Variants in TCP11L2 observed in about 807,000 individuals in gnomAD.
TCP11L2 encodes the protein t-complex 11 like 2, also known as T-complex protein 11-like protein 2.
In TCP11L2, 39 loss-of-function variants were observed where a neutral mutation model predicts 50.7. That is an observed-to-expected ratio of 0.77 (90% CI 0.60 to 1.01). The LOEUF (loss-of-function observed/expected upper bound fraction) is 1.01, where lower values mean the gene tolerates loss of function less well. Among genes scored for constraint, TCP11L2 ranks in the 50% least tolerant of loss-of-function variants. The pLI, the probability that TCP11L2 is intolerant of heterozygous loss-of-function variation, is 0.00. For synonymous variants in TCP11L2, 192 were observed against 219.3 expected (o/e 0.88, Z 1.10); for missense variants, 612 against 614.7 (o/e 1.00, Z 0.05).
At chr12:106,329,733 G>A (rs2035681702) in intron 6 of TCP11L2, 4 of 1,047,168 alleles carry the variant, frequency 3.8e-6, no homozygotes, top group Non-Finnish European at 4.6e-6. Context: ...GATTAAACTT[G>A]CAGTATAAAT....
At chr12:106,323,488 A>G in intron 5 of TCP11L2, 22 bp from the exon 6 acceptor site, 1 of 1,534,042 alleles carries the variant, frequency 6.5e-7, no homozygotes, top group Non-Finnish European at 8.8e-7. Context: ...TCATCTCTCT[A>G]TTTTAATTCT....
At chr12:106,307,603 T>C (rs192377042) in intron 1 of TCP11L2, among the ~76,000 whole-genome samples, 1 of 152,320 alleles carries the variant, frequency 6.6e-6, no homozygotes, top group Non-Finnish European at 1.5e-5. Context: ...ACTTGGAAAC[T>C]CAAGACCGAG....
intron 2 of TCP11L2, among the ~76,000 whole-genome samples, chr12:106,312,883 G>A (rs1226101970): frequency 1.3e-5 from 2 of 151,346 alleles, no homozygotes; most frequent in African/African-American, 4.9e-5. Context: ...CTCTGTCTTG[G>A]GAAAAAAAAA....
chr12:106,332,945 T>A (rs117028510), intron 6 of TCP11L2, among the ~76,000 whole-genome samples: 1 of 152,132 alleles, frequency 6.6e-6, no homozygotes, highest in Non-Finnish European at 1.5e-5. Flanking sequence ...TGAAGTGACA[T>A]AGTTTTGGTG....
chr12:106,301,959 GGGTGTGACTCCAA>G (rs1476344711), upstream of TCP11L2: 36 of 152,398 alleles, frequency 2.4e-4, no homozygotes, highest in African/African-American at 7.9e-4. Flanking sequence ...GGGCCTGGAT[GGGTGTGACTCCAA>G]GGAGCTAATC....
chr12:106,339,836 A>G (rs1389747896), intron 8 of TCP11L2, among the ~76,000 whole-genome samples: 2 of 152,270 alleles, frequency 1.3e-5, no homozygotes, highest in Non-Finnish European at 2.9e-5. Flanking sequence ...CGTCAGGTCC[A>G]GTGTGGGCTT....
In TCP11L2 at chr12:106,346,593, T is replaced by TTG. The variant is rs1243363148; in HGVS notation, c.*64_*65dup. The TTG allele has an allele frequency of 7.1e-6, 11 of 1,551,096 alleles. No individual in the cohort carries two copies. In the African/African-American group the frequency reaches 1.4e-4, roughly 19 times the overall value. On this transcript the variant is annotated 3_prime_UTR_variant, in exon 10 of 10. Coordinates refer to ENST00000299045, the MANE Select transcript of TCP11L2 (RefSeq NM_152772.3). ...TACTTTGGTATCCAGTCCACTTCCA[T>TTG]TGATGGCATTAGAGATCCAGCACAT... is the stretch of plus-strand genomic sequence containing the variant.
chr12:106,323,540 A>G lies in TCP11L2; in HGVS notation c.666A>G (p.Gln222=), dbSNP rs2035419706. 2 of 1,607,978 alleles carry G rather than the reference A, an allele frequency of 1.2e-6. No homozygotes were observed. Among genetic ancestry groups the G allele is most frequent in the Admixed American group, 1.7e-5 (1 of 59,090 alleles). ...TATTCCATGTCCTGGACCTCATGCA[A>G]ATGGACATGGCCAATTTTACAATTA... ...RQIFHVLDLM[Q]MDMANFTIMS... The change falls in exon 6 of 10, where the codon CAA becomes CAG. Residue 222 remains glutamine, a synonymous_variant. Transcript: ENST00000299045.
chr12:106,327,806 C>G (rs1259101592), intron 6 of TCP11L2, among the ~76,000 whole-genome samples: 1 of 152,052 alleles, frequency 6.6e-6, no homozygotes, highest in Non-Finnish European at 1.5e-5. Context: ...TGAATTGGCT[C>G]CAGGAAAATA....
chr12:106,299,318 T>C (rs1464417970), upstream of TCP11L2, among the ~76,000 whole-genome samples: 3 of 152,194 alleles, frequency 2.0e-5, no homozygotes, highest in Non-Finnish European at 4.4e-5. Flanking sequence ...TCTTCCAGCA[T>C]TGAAACAGAC....
At chr12:106,309,379 C>T (rs368182292) in intron 1 of TCP11L2, among the ~76,000 whole-genome samples, 5 of 152,014 alleles carry the variant, frequency 3.3e-5, no homozygotes, top group African/African-American at 1.2e-4. Flanking sequence ...TGAGTGTCTC[C>T]ACTCCACTCC....
chr12:106,320,396 CA>C (rs56997964), intron 4 of TCP11L2, among the ~76,000 whole-genome samples: 10 of 144,884 alleles, frequency 6.9e-5, no homozygotes, highest in South Asian at 6.5e-4. Flanking sequence ...GACTCCATCT[CA>C]AAAAAAAAAG....
chr12:106,321,257 G>A (rs2035323391), intron 4 of TCP11L2, among the ~76,000 whole-genome samples: 1 of 152,168 alleles, frequency 6.6e-6, no homozygotes, highest in South Asian at 2.1e-4. Context: ...TCTGACAGGA[G>A]CAGGAGTTTC....
intron 4 of TCP11L2, 82 bp from the exon 5 acceptor site, chr12:106,321,404 T>G: frequency 8.1e-7 from 1 of 1,228,234 alleles, no homozygotes; most frequent in Non-Finnish European, 1.1e-6. Context: ...GGCAAAGAGC[T>G]TGGTCATCTA....
chr12:106,346,288 A>T lies in TCP11L2; in HGVS notation c.1318A>T (p.Lys440Ter), dbSNP rs1436103248. The T allele has an allele frequency of 2.5e-6, 4 of 1,596,784 alleles. No homozygotes were observed. In the South Asian group the frequency reaches 4.5e-5, roughly 18 times the overall value. ...EDNPIWSLID[K>*]RIKLYMRRLL... ...AAGTATCTTTTTTTCCCCTTCAGAT[A>T]AACGAATTAAGCTTTACATGAGAAG... The change falls in exon 10 of 10, where the codon AAA becomes TAA. Residue 440 changes from lysine to a stop codon, truncating the protein, a stop_gained and splice_region_variant. Transcript: ENST00000299045. LOFTEE classifies it high-confidence loss of function.
chr12:106,340,166 T>G (rs1351858530), intron 8 of TCP11L2, among the ~76,000 whole-genome samples: 2 of 152,234 alleles, frequency 1.3e-5, no homozygotes, highest in Non-Finnish European at 2.9e-5. Context: ...TTCAGTCATC[T>G]TTCCCTAATA....
chr12:106,319,461 C>T (rs182347065), intron 4 of TCP11L2, among the ~76,000 whole-genome samples: 53 of 152,314 alleles, frequency 3.5e-4, no homozygotes, highest in Non-Finnish European at 5.9e-4. Flanking sequence ...GAGTTTCCCC[C>T]TGCACCTCCT....
At chr12:106,335,116 A>G (rs925765935) in intron 6 of TCP11L2, among the ~76,000 whole-genome samples, 3 of 152,214 alleles carry the variant, frequency 2.0e-5, no homozygotes, top group African/African-American at 7.2e-5. Context: ...AGTTATTAAA[A>G]GTGGTCCAAG....
chr12:106,306,324 C>T (rs1238628783), intron 1 of TCP11L2, among the ~76,000 whole-genome samples: 2 of 152,194 alleles, frequency 1.3e-5, no homozygotes, highest in Admixed American at 6.5e-5. Flanking sequence ...CTCAGATTCA[C>T]CTATTAACAT....
Sources: allele counts gnomAD v4.1 joint callset (sites outside exome capture counted in the v4.1 genomes callset), GRCh38; gene constraint gnomAD v4.1.1; transcripts MANE v1.5; gene names NCBI Gene and HGNC (gene_info 2026-07-23, HGNC 2026-07-21).